Variants in SPAST observed in about 807,000 individuals in gnomAD.
The protein encoded by SPAST is spastic paraplegia 4 (autosomal dominant; spastin).
In SPAST, 30 loss-of-function variants were observed where a neutral mutation model predicts 76.6. The ratio of observed to expected loss-of-function variants is 0.39; its 90% confidence interval spans 0.29 to 0.53. SPAST has a LOEUF of 0.53. Ranked by LOEUF, SPAST falls within the 20% of genes least tolerant of loss-of-function variation. The probability of loss-of-function intolerance (pLI) is 0.68; values close to 1 mark genes in which losing one functional copy is unlikely to be tolerated. For missense variants in SPAST, 717 were observed against 770.5 expected (o/e 0.93, Z 0.82); for synonymous variants, 305 against 281.0 (o/e 1.09, Z -0.86).
intron 9 of SPAST, chr2:32,129,695 C>T (rs769670607): frequency 3.9e-5 from 6 of 152,006 alleles, no homozygotes; most frequent in Non-Finnish European, 8.8e-5. Flanking sequence ...CTCTGCTTGC[C>T]TTTATCAAAA....
chr2:32,091,710 T>C (rs1051811542), intron 3 of SPAST, among the ~76,000 whole-genome samples: 1 of 151,880 alleles, frequency 6.6e-6, no homozygotes, highest in African/African-American at 2.4e-5. Flanking sequence ...GGCGGGCACC[T>C]GTAGTCCCAG....
chr2:32,153,798 T>A (rs1319110059), intron 16 of SPAST, among the ~76,000 whole-genome samples: 1 of 152,032 alleles, frequency 6.6e-6, no homozygotes, highest in East Asian at 1.9e-4. Flanking sequence ...TACTTTAGGC[T>A]GGGCAAAGTG....
intron 12 of SPAST, among the ~76,000 whole-genome samples, chr2:32,137,398 A>G (rs1335683993): frequency 6.6e-6 from 1 of 152,214 alleles, no homozygotes; most frequent in Non-Finnish European, 1.5e-5. Context: ...AGGTTTAGTT[A>G]CGGTTTTAGG....
chr2:32,089,926 G>T (rs973243982), intron 3 of SPAST, among the ~76,000 whole-genome samples: 5 of 152,026 alleles, frequency 3.3e-5, no homozygotes, highest in African/African-American at 1.2e-4. Context: ...ACCACGCCCC[G>T]CTAATTTTTT....
In SPAST at chr2:32,063,999, G is replaced by T; in HGVS notation, c.168G>T (p.Pro56=). The T allele has an allele frequency of 6.2e-7, 1 of 1,613,202 alleles. No individual in the cohort carries two copies. Among genetic ancestry groups the T allele is most frequent in the Non-Finnish European group, 8.5e-7 (1 of 1,179,474 alleles). The change falls in exon 1 of 17, where the codon CCG becomes CCT. Residue 56 remains proline, a synonymous_variant. Coordinates refer to ENST00000315285, the MANE Select transcript of SPAST (RefSeq NM_014946.4). The stretch of plus-strand genomic sequence containing the variant: ...GGAACCTGTACTATTTCTCCTACCC[G>T]CTGTTTGTAGGCTTCGCGCTGCTGC... The part of the protein sequence containing the change: ...HKRNLYYFSY[P]LFVGFALLRL...
chr2:32,069,790 T>A (rs1247959775), intron 1 of SPAST, among the ~76,000 whole-genome samples: 1 of 151,966 alleles, frequency 6.6e-6, no homozygotes, highest in Non-Finnish European at 1.5e-5. Flanking sequence ...CGATCTCCTG[T>A]CCTCGTGATC....
Position 32,114,570 on chromosome 2 carries a change from A to C in SPAST, c.683-68A>C. 4.0e-6 allele frequency: 5 copies of C among 1,240,314 alleles called. No individual in the cohort carries two copies. In the East Asian group the frequency reaches 1.2e-4, roughly 29 times the overall value. 76.8% of individuals were successfully genotyped at this position (1,240,314 alleles called of 1,614,324 possible). ...AATATATTATTACCTTGGTTTTACA[A>C]ATGTTTGCTTGTCTTTATGTTCAGC... On this transcript the variant is annotated intron_variant, in intron 4 of 16. Transcript: ENST00000315285.
chr2:32,112,063 C>T (rs1319924538), intron 4 of SPAST, among the ~76,000 whole-genome samples: 2 of 149,962 alleles, frequency 1.3e-5, no homozygotes, highest in African/African-American at 4.9e-5. Flanking sequence ...AGTGATTCTC[C>T]TGCCTCAGCC....
intron 15 of SPAST, 86 bp downstream of exon 15, chr2:32,145,093 A>ATT: frequency 4.2e-6 from 4 of 954,496 alleles, no homozygotes; most frequent in Non-Finnish European, 6.4e-6. Flanking sequence ...CTACCAAGAG[A>ATT]TTTTTTTTTT....
chr2:32,155,516 C>T lies in SPAST; in HGVS notation c.*1020C>T, dbSNP rs1018381942. 3 of 152,360 alleles carry T rather than the reference C, an allele frequency of 2.0e-5. No homozygotes were observed. Among genetic ancestry groups the T allele is most frequent in the Non-Finnish European group, 4.4e-5 (3 of 67,984 alleles). The allele number at this position is 152,360 out of a possible 1,614,324, so 9.4% of individuals were successfully genotyped here. A position where few individuals can be genotyped will look rare whatever the true frequency, so the allele number is the denominator to read the frequency against. On this transcript the variant is annotated 3_prime_UTR_variant, in exon 17 of 17. Transcript: ENST00000315285. ...TCTTTTATTCTTAATAATTATTAAT[C>T]CCTTCAATGAAACTTTAAAAAAACT...
intron 3 of SPAST, among the ~76,000 whole-genome samples, chr2:32,096,719 C>A (rs1677930013): frequency 6.6e-6 from 1 of 151,900 alleles, no homozygotes; most frequent in Non-Finnish European, 1.5e-5. Context: ...GTTAAAATTT[C>A]ATTGAGGGGA....
chr2:32,092,445 A>G (rs1163221927), intron 3 of SPAST, among the ~76,000 whole-genome samples: 1 of 152,196 alleles, frequency 6.6e-6, no homozygotes, highest in Non-Finnish European at 1.5e-5. Flanking sequence ...AAAATTAATA[A>G]GAGTTGGTTT....
intron 1 of SPAST, among the ~76,000 whole-genome samples, chr2:32,074,143 G>A (rs1490175595): frequency 6.6e-6 from 1 of 152,182 alleles, no homozygotes; most frequent in African/African-American, 2.4e-5. Flanking sequence ...TAAAGAAGCA[G>A]GGTTTTGCTC....
Position 32,064,063 on chromosome 2 carries a change from C to T in SPAST, c.232C>T (p.Leu78Phe). ...CCACCTGGGGCTCCTCTTCGTGTGG[C>T]TCTGCCAGCGCTTCTCCCGCGCCCT... ...AFHLGLLFVW[L>F]CQRFSRALMA... Residue 78 changes from leucine to phenylalanine, a missense_variant, in exon 1 of 17, where the codon CTC becomes TTC. Coordinates refer to ENST00000315285, the MANE Select transcript of SPAST (RefSeq NM_014946.4). The T allele has an allele frequency of 3.1e-6, 5 of 1,613,022 alleles. No individual in the cohort carries two copies. Among genetic ancestry groups the T allele is most frequent in the Non-Finnish European group, 4.2e-6 (5 of 1,179,414 alleles).
intron 3 of SPAST, among the ~76,000 whole-genome samples, chr2:32,093,450 C>T (rs1373666066): frequency 6.6e-6 from 1 of 152,154 alleles, no homozygotes; most frequent in African/African-American, 2.4e-5. Flanking sequence ...CCACTGCACT[C>T]TAGCCTGGAT....
At chr2:32,110,618 GTATA>G (rs1678533142) in intron 4 of SPAST, among the ~76,000 whole-genome samples, 2 of 130,266 alleles carry the variant, frequency 1.5e-5, no homozygotes, top group South Asian at 4.5e-4. Context: ...ACTATATAGT[GTATA>G]TATAGTATAT....
chr2:32,108,164 G>C (rs1042226261), intron 4 of SPAST, among the ~76,000 whole-genome samples: 1 of 152,100 alleles, frequency 6.6e-6, no homozygotes, highest in African/African-American at 2.4e-5. Context: ...TATGGTATCA[G>C]TTAAACAGGA....
rs558799968 is a variant in SPAST, at chr2:32,147,702, G to A, written c.1728+444G>A. Reference sequence around the variant, plus strand: ...ACTGGAGTGCAGTGGTGCGATCTCAGCTCACTGCAAGCTCTGCCTCCCGGG... The same window carrying A: ...ACTGGAGTGCAGTGGTGCGATCTCAACTCACTGCAAGCTCTGCCTCCCGGG... On this transcript the variant is annotated intron_variant, in intron 16 of 16. Transcript: ENST00000315285. Among the ~76,000 whole-genome samples the A allele has an allele frequency of 7.7e-4, 117 of 151,974 alleles. 1 individual carries two copies. Among genetic ancestry groups the A allele is most frequent in the African/African-American group, 2.6e-3 (107 of 41,448 alleles).
intron 4 of SPAST, among the ~76,000 whole-genome samples, chr2:32,103,114 T>C (rs913815085): frequency 6.6e-6 from 1 of 152,220 alleles, no homozygotes; most frequent in African/African-American, 2.4e-5. Flanking sequence ...TTTTGGTTAG[T>C]AGGCTATTAA....
Sources: allele counts gnomAD v4.1 joint callset (sites outside exome capture counted in the v4.1 genomes callset), GRCh38; gene constraint gnomAD v4.1.1; transcripts MANE v1.5; gene names NCBI Gene and HGNC (gene_info 2026-07-23, HGNC 2026-07-21).